PTPRS: variants seen among roughly 807,000 people sequenced by gnomAD.
The protein encoded by PTPRS is receptor-type tyrosine-protein phosphatase S.
A neutral mutation model predicts 215.3 loss-of-function variants in PTPRS; 63 were observed. The ratio of observed to expected loss-of-function variants is 0.29; its 90% CI spans 0.24 to 0.36. The LOEUF (loss-of-function observed/expected upper bound fraction) is 0.36, where lower values mean the gene tolerates loss of function less well. Ranked by LOEUF, PTPRS falls within the 10% of genes least tolerant of loss-of-function variation. The probability of loss-of-function intolerance (pLI) is 1.00; values close to 1 mark genes in which losing one functional copy is unlikely to be tolerated. For synonymous variants in PTPRS, 1,404 were observed against 1,191.4 expected (o/e 1.18, Z -3.68); for missense variants, 2,258 against 2,825.8 (o/e 0.80, Z 4.56).
At chr19:5,247,217 A>AATT (rs553358173) in intron 9 of PTPRS, among the ~76,000 whole-genome samples, 2 of 149,706 alleles carry the variant, frequency 1.3e-5, no homozygotes, top group South Asian at 2.1e-4. Context: ...TAATAATAAT[A>AATT]ATTAATAATA....
At chr19:5,273,051 G>T in intron 4 of PTPRS, 1 of 280,830 alleles carries the variant, frequency 3.6e-6, no homozygotes, top group Non-Finnish European at 7.0e-6. Flanking sequence ...AAGAGACAGA[G>T]AGTGAGCTCT....
chr19:5,333,520 C>A (rs2050396650), intron 1 of PTPRS, among the ~76,000 whole-genome samples: 1 of 151,560 alleles, frequency 6.6e-6, no homozygotes, highest in Non-Finnish European at 1.5e-5. Context: ...CACACACACA[C>A]ACACACAATG....
intron 1 of PTPRS, among the ~76,000 whole-genome samples, chr19:5,306,565 T>C (rs933548231): frequency 1.3e-5 from 2 of 152,196 alleles, no homozygotes; most frequent in Non-Finnish European, 2.9e-5. Context: ...TGGTAGGATC[T>C]TCCGTGGCAA....
intron 1 of PTPRS, among the ~76,000 whole-genome samples, chr19:5,330,768 C>T (rs1360492448): frequency 2.6e-5 from 4 of 152,174 alleles, no homozygotes; most frequent in African/African-American, 4.8e-5. Flanking sequence ...AATGCCCTTC[C>T]CCAGCAGGGC....
At chr19:5,243,817 AAACC>A in intron 11 of PTPRS, 80 bp downstream of exon 11, 1 of 1,250,496 alleles carries the variant, frequency 8.0e-7, no homozygotes, top group Non-Finnish European at 1.1e-6. Flanking sequence ...CATAACCCAC[AAACC>A]GCTCTGCGGC....
intron 1 of PTPRS, among the ~76,000 whole-genome samples, chr19:5,336,006 A>G (rs1404991713): frequency 1.0e-4 from 15 of 148,154 alleles, no homozygotes; most frequent in Non-Finnish European, 2.1e-4. Context: ...TCCATGGAGG[A>G]GGAGGAGGAG....
chr19:5,291,078 G>A (rs925605872), intron 1 of PTPRS, among the ~76,000 whole-genome samples: 16 of 151,976 alleles, frequency 1.1e-4, no homozygotes, highest in African/African-American at 3.4e-4. Context: ...GGCCCTTCCC[G>A]GAACTGAAGT....
intron 1 of PTPRS, among the ~76,000 whole-genome samples, chr19:5,333,346 T>TAATA (rs1555812756): frequency 4.7e-5 from 7 of 150,154 alleles, no homozygotes; most frequent in African/African-American, 1.5e-4. Context: ...ATAATAATAA[T>TAATA]AATACAAAAG....
intron 1 of PTPRS, among the ~76,000 whole-genome samples, chr19:5,321,029 A>C (rs1408694409): frequency 1.3e-5 from 2 of 152,186 alleles, no homozygotes; most frequent in African/African-American, 4.8e-5. Flanking sequence ...TGGGAGGCTG[A>C]GGCAGGAGGA....
At chr19:5,214,220 T>G (rs1229794116) in intron 30 of PTPRS, 141 bp downstream of exon 30, 8 of 1,232,926 alleles carry the variant, frequency 6.5e-6, no homozygotes, top group East Asian at 5.1e-5. Flanking sequence ...GTGGGTTCCA[T>G]GAGAATGTAG....
At chr19:5,323,311 T>C (rs967054820) in intron 1 of PTPRS, among the ~76,000 whole-genome samples, 4 of 151,912 alleles carry the variant, frequency 2.6e-5, no homozygotes, top group Admixed American at 2.6e-4. Flanking sequence ...TGAACCAAGA[T>C]CACACCACTG....
At chr19:5,223,409 T>TC in intron 17 of PTPRS, 112 bp from the exon 18 acceptor site, 1 of 1,107,824 alleles carries the variant, frequency 9.0e-7, no homozygotes, top group Non-Finnish European at 1.2e-6. Context: ...TTTTTTGAGT[T>TC]GGGGGGGGTC....
chr19:5,296,368 C>T (rs1390512800), intron 1 of PTPRS, among the ~76,000 whole-genome samples: 4 of 151,982 alleles, frequency 2.6e-5, no homozygotes, highest in Non-Finnish European at 5.9e-5. Context: ...GGCCTGGTGG[C>T]GCATGACTGT....
In PTPRS at chr19:5,318,952, G is replaced by C. The variant is rs540833664; in HGVS notation, c.-95+21712C>G. ...TTGTATTCTCCATTTAACAGACAGTGAGTCCCTGGAGGGCAAGGGCCTGGC... is the reference window on the plus strand; with the variant it reads ...TTGTATTCTCCATTTAACAGACAGTCAGTCCCTGGAGGGCAAGGGCCTGGC... On this transcript the variant is annotated intron_variant, in intron 1 of 37. Transcript: ENST00000262963. Among the ~76,000 whole-genome samples, 334 of 152,316 alleles carry C rather than the reference G, an allele frequency of 2.2e-3. 2 individuals carry two copies. The highest frequency in any genetic ancestry group is 3.9e-3 in the Non-Finnish European group (264 of 68,032).
At chr19:5,312,479 A>G (rs2049738354) in intron 1 of PTPRS, among the ~76,000 whole-genome samples, 3 of 151,798 alleles carry the variant, frequency 2.0e-5, no homozygotes, top group South Asian at 2.1e-4. Flanking sequence ...GGCCAACATA[A>G]TGAGACCTTA....
chr19:5,250,346 A>G (rs1253218428), intron 9 of PTPRS, among the ~76,000 whole-genome samples: 1 of 152,154 alleles, frequency 6.6e-6, no homozygotes, highest in Non-Finnish European at 1.5e-5. Flanking sequence ...AGGGCGGGTG[A>G]CTGACGCTGT....
intron 25 of PTPRS, 71 bp from the exon 26 acceptor site, chr19:5,216,838 C>A: frequency 2.0e-6 from 2 of 1,013,560 alleles, no homozygotes; most frequent in Non-Finnish European, 1.5e-6. Context: ...CTGCCTCCCC[C>A]ACCCCTCACT....
chr19:5,229,461 T>A, intron 15 of PTPRS, 30 bp downstream of exon 15: 1 of 1,375,402 alleles, frequency 7.3e-7, no homozygotes, highest in East Asian at 3.1e-5. Context: ...CCGGAGCCCG[T>A]CCCCGGCCCC....
intron 11 of PTPRS, among the ~76,000 whole-genome samples, chr19:5,241,837 GTTTTC>G (rs1057124219): frequency 5.3e-5 from 8 of 151,950 alleles, no homozygotes; most frequent in African/African-American, 9.6e-5. Context: ...GGGTGAGGCA[GTTTTC>G]TTTTATTTTT....
Sources: gnomAD v4.1 joint callset for allele counts (sites outside exome capture counted in the v4.1 genomes callset) on GRCh38, gnomAD v4.1.1 for gene constraint, MANE v1.5 for transcripts, NCBI Gene and HGNC (gene_info 2026-07-23, HGNC 2026-07-21) for gene names.